TSBP1: variants seen among roughly 807,000 people sequenced by gnomAD.
The protein encoded by TSBP1 is testis-expressed basic protein 1.
In TSBP1, 56 loss-of-function variants were observed where a neutral mutation model predicts 68.8. The ratio of observed to expected loss-of-function variants is 0.81; its 90% CI spans 0.66 to 1.02. The LOEUF (loss-of-function observed/expected upper bound fraction) is 1.02, where lower values mean the gene tolerates loss of function less well. Among genes scored for constraint, TSBP1 ranks in the 50% least tolerant of loss-of-function variants. TSBP1 has a pLI of 0.00. For synonymous variants in TSBP1, 171 were observed against 208.7 expected (o/e 0.82, Z 1.56); for missense variants, 502 against 641.2 (o/e 0.78, Z 2.34).
At chr6:32,367,258 AG>A (rs1388641345) in intron 4 of TSBP1, among the ~76,000 whole-genome samples, 13 of 151,394 alleles carry the variant, frequency 8.6e-5, no homozygotes, top group African/African-American at 3.2e-4. Flanking sequence ...AGAGAGAGAG[AG>A]AGAGAAAGAG....
At position 32,353,742 on chromosome 6, in the gene TSBP1, C is replaced by T. The variant is rs184721580; in HGVS notation, c.259+1382G>A. 5.4e-3 allele frequency among the ~76,000 whole-genome samples: 817 copies of T among 151,770 alleles called. 4 individuals carry two copies. The highest frequency in any genetic ancestry group is 0.011 in the Admixed American group (161 of 15,256). On this transcript the variant is annotated intron_variant, in intron 8 of 22. Transcript: ENST00000612031. ...ACAGAAAATAAAATCCACGGAAAAA[C>T]GAAATATATAAGATGAAGATGGCAT...
At chr6:32,349,561 G>GT in intron 9 of TSBP1, 179 bp downstream of exon 9, 1 of 571,256 alleles carries the variant, frequency 1.8e-6, no homozygotes, top group East Asian at 2.9e-5. Context: ...CTAGAAACTT[G>GT]CATTTACTTT....
intron 9 of TSBP1, 57 bp from the exon 11 acceptor site, chr6:32,339,695 G>T: frequency 1.3e-6 from 1 of 766,700 alleles, no homozygotes; most frequent in Non-Finnish European, 2.2e-6. Flanking sequence ...CAGAAGGCAT[G>T]GAGATAGACA....
At chr6:32,293,994 A>G (rs560505) in exon 23 of TSBP1, 608,059 of 1,611,030 alleles carry the variant, frequency 0.38, 120,298 homozygotes, top group Admixed American at 0.51. Flanking sequence ...TTGGAACAAG[A>G]TTTTTTTGCA....
At chr6:32,330,454 G>T in intron 16 of TSBP1, 135 bp downstream of exon 17, 1 of 721,662 alleles carries the variant, frequency 1.4e-6, no homozygotes, top group Non-Finnish European at 2.2e-6. Flanking sequence ...AAATCAGGAA[G>T]CATAAAAACA....
In TSBP1 at chr6:32,325,509, C is replaced by G. The variant is rs1768127028; in HGVS notation, c.515-1895G>C. On this transcript the variant is annotated intron_variant, in intron 16 of 22. Coordinates refer to ENST00000612031, the Ensembl canonical transcript of TSBP1. This position sits in a 1 kb window ranked among gnomAD's most constrained non-coding sequence, Gnocchi z 4.4. The stretch of plus-strand genomic sequence containing the variant: ...TGTCTCAAGAGAAGATTCTCAAATA[C>G]CAGGTGCCCACTTAACTGTGAAAAA... The G allele has an allele frequency of 1.1e-6, 1 of 877,212 alleles. No homozygotes were observed. The highest frequency in any genetic ancestry group is 1.7e-5 in the African/African-American group (1 of 60,308). 54.3% of individuals were successfully genotyped at this position (877,212 alleles called of 1,614,324 possible).
rs1769717075 is a variant in TSBP1, at chr6:32,336,697, T to C, written c.410-62A>G. On this transcript the variant is annotated intron_variant, in intron 11 of 22. Coordinates refer to ENST00000612031, the Ensembl canonical transcript of TSBP1. This position sits in a 1 kb window ranked among gnomAD's most constrained non-coding sequence, Gnocchi z 5.2. ...TAATAGAATTTTCATTTTACCAGTA[T>C]TGTTTCTAAAGAAACTATGAAGCAA... 1 of 1,498,506 alleles carries C rather than the reference T, an allele frequency of 6.7e-7. No individual in the cohort carries two copies. The highest frequency in any genetic ancestry group is 9.3e-7 in the Non-Finnish European group (1 of 1,077,548). The allele number at this position is 1,498,506 out of a possible 1,614,324, so 92.8% of individuals were successfully genotyped here.
chr6:32,315,237 G>A lies in TSBP1; in HGVS notation c.580+535C>T, dbSNP rs9501174. 0.072 allele frequency among the ~76,000 whole-genome samples: 10,968 copies of A among 152,088 alleles called. 518 individuals carry two copies. The highest frequency in any genetic ancestry group is 0.19 in the East Asian group (978 of 5,172). ...CTGGTTTAAAAATTGAGTCACTGTT[G>A]GTATGTGTTACCTTGGAAGTTGGGT... On this transcript the variant is annotated intron_variant, in intron 19 of 22. Transcript: ENST00000612031. This position sits in a 1 kb window ranked among gnomAD's most constrained non-coding sequence, Gnocchi z 5.4.
Position 32,321,207 on chromosome 6 carries a change from G to A in TSBP1, c.559+1910C>T, listed in dbSNP as rs191141591. On this transcript the variant is annotated intron_variant, in intron 18 of 22. Coordinates refer to ENST00000612031, the Ensembl canonical transcript of TSBP1. The surrounding 1 kb of genome is among the most constrained non-coding windows in gnomAD (Gnocchi z 4.3). Reference sequence around the variant, plus strand: ...TTCCTTTGAGTCTATACCCAGTAATGGGATTGGCCAGCCAACACTTAGCTA... The same window carrying A: ...TTCCTTTGAGTCTATACCCAGTAATAGGATTGGCCAGCCAACACTTAGCTA... Among the ~76,000 whole-genome samples the A allele has an allele frequency of 1.8e-4, 28 of 152,248 alleles. No homozygotes were observed. The East Asian group carries it at 5.4e-3, about 29-fold the overall frequency.
At position 32,336,550 on chromosome 6, in the gene TSBP1, G is replaced by A; in HGVS notation, c.430+65C>T. ...ATTTTTAAAAATGCAGGGCAGATCA[G>A]GCCCCAAGACCTTGTAGGTCAGATA... On this transcript the variant is annotated intron_variant, in intron 12 of 22. Transcript: ENST00000612031. The surrounding 1 kb of genome is among the most constrained non-coding windows in gnomAD (Gnocchi z 5.2). 7.5e-7 allele frequency: 1 copy of A among 1,329,020 alleles called. No homozygotes were observed. Among genetic ancestry groups the A allele is most frequent in the Non-Finnish European group, 1.1e-6 (1 of 925,544 alleles). The allele number at this position is 1,329,020 out of a possible 1,614,324, so 82.3% of individuals were successfully genotyped here. A position where few individuals can be genotyped will look rare whatever the true frequency, so the allele number is the denominator to read the frequency against.
At chr6:32,360,243 T>TA (rs1356866085) in intron 6 of TSBP1, among the ~76,000 whole-genome samples, 1 of 152,210 alleles carries the variant, frequency 6.6e-6, no homozygotes, top group East Asian at 1.9e-4. Context: ...CTTTTTAAGG[T>TA]TCCATATATA....
At chr6:32,326,499 A>G (rs1003494077) in intron 16 of TSBP1, among the ~76,000 whole-genome samples, 1 of 152,190 alleles carries the variant, frequency 6.6e-6, no homozygotes, top group Non-Finnish European at 1.5e-5. Flanking sequence ...ACTGAAAAAA[A>G]TATATATTTG....
chr6:32,360,514 G>T (rs1185468803), intron 6 of TSBP1, among the ~76,000 whole-genome samples: 1 of 152,078 alleles, frequency 6.6e-6, no homozygotes, highest in East Asian at 1.9e-4. Context: ...ATATGGGAGT[G>T]CAAATATCTC....
At chr6:32,364,698 A>AT (rs1773462780) in intron 6 of TSBP1, among the ~76,000 whole-genome samples, 1 of 150,918 alleles carries the variant, frequency 6.6e-6, no homozygotes, top group African/African-American at 2.4e-5. Flanking sequence ...ATTGTTTTGG[A>AT]TTTTTTTGTC....
At chr6:32,309,814 C>G (rs1381579301) in intron 19 of TSBP1, among the ~76,000 whole-genome samples, 3 of 151,986 alleles carry the variant, frequency 2.0e-5, no homozygotes, top group Non-Finnish European at 4.4e-5. Flanking sequence ...CTATAGTCAC[C>G]CTGTTGTGCT....
chr6:32,347,619 C>A (rs1200291652), intron 9 of TSBP1, among the ~76,000 whole-genome samples: 2 of 152,074 alleles, frequency 1.3e-5, no homozygotes, highest in East Asian at 3.9e-4. Context: ...CCAGGGTTGC[C>A]TTTTTAAAGC....
intron 16 of TSBP1, 62 bp from the exon 18 acceptor site, chr6:32,323,676 TAG>T: frequency 6.6e-7 from 1 of 1,510,702 alleles, no homozygotes; most frequent in African/African-American, 1.4e-5. Flanking sequence ...CCTTTCTATG[TAG>T]AGAGTTTCTT....
In TSBP1 at chr6:32,368,866, C is replaced by T. The variant is rs565289863; in HGVS notation, c.101-52G>A. The T allele has an allele frequency of 3.1e-5, 49 of 1,559,054 alleles. No individual in the cohort carries two copies. In the East Asian group the frequency reaches 1.1e-3, roughly 34 times the overall value. On this transcript the variant is annotated intron_variant, in intron 2 of 22. Coordinates refer to ENST00000612031, the Ensembl canonical transcript of TSBP1. ...TTATTAGTTACTTAGGAGAAGTGTT[C>T]TTCCTCTGATCAAACTCTTCTCACT...
At chr6:32,294,585 A>T (rs1026245424) in intron 22 of TSBP1, among the ~76,000 whole-genome samples, 1 of 152,232 alleles carries the variant, frequency 6.6e-6, no homozygotes, top group African/African-American at 2.4e-5. Flanking sequence ...CAGGTAGGGT[A>T]TTATTAACCT....
Sources: gnomAD v4.1 joint callset for allele counts (sites outside exome capture counted in the v4.1 genomes callset) on GRCh38, gnomAD v4.1.1 for gene constraint, Gnocchi (gnomAD v3.1) non-coding constraint, MANE v1.5 for transcripts, NCBI Gene and HGNC (gene_info 2026-07-23, HGNC 2026-07-21) for gene names.